CDH8: variants seen among roughly 807,000 people sequenced by gnomAD.
CDH8 encodes the protein cadherin-8.
Under a neutral mutation model 68.1 loss-of-function variants are expected in CDH8, and 17 were observed. The ratio of observed to expected loss-of-function variants is 0.25; its 90% CI spans 0.17 to 0.37. The LOEUF (loss-of-function observed/expected upper bound fraction) is 0.37, where lower values mean the gene tolerates loss of function less well. CDH8 is among the 10% of genes least tolerant of loss of function. The pLI, the probability that CDH8 is intolerant of heterozygous loss-of-function variation, is 1.00. For missense variants in CDH8, 763 were observed against 999.3 expected (o/e 0.76, Z 3.19); for synonymous variants, 372 against 365.1 (o/e 1.02, Z -0.21).
At chr16:61,770,822 C>T (rs1428395936) in intron 8 of CDH8, among the ~76,000 whole-genome samples, 1 of 151,918 alleles carries the variant, frequency 6.6e-6, no homozygotes, top group Admixed American at 6.6e-5. Context: ...ACTTCACCGC[C>T]AGGCCAGGAA....
At chr16:61,698,413 C>T (rs889138020) in intron 10 of CDH8, among the ~76,000 whole-genome samples, 14 of 152,046 alleles carry the variant, frequency 9.2e-5, no homozygotes, top group South Asian at 8.3e-4. Context: ...ATGTTGCCTC[C>T]GAGAGTCTTT....
At chr16:61,967,966 G>A (rs908653384) in intron 2 of CDH8, among the ~76,000 whole-genome samples, 1 of 151,958 alleles carries the variant, frequency 6.6e-6, no homozygotes, top group Admixed American at 6.6e-5. Flanking sequence ...CCGCCACCAC[G>A]CCCAGCTAAT....
intron 8 of CDH8, among the ~76,000 whole-genome samples, chr16:61,739,819 C>A (rs1179962869): frequency 2.8e-5 from 4 of 142,114 alleles, no homozygotes; most frequent in African/African-American, 1.0e-4. Flanking sequence ...CAACAAGTAG[C>A]AAAACAAACA....
At chr16:61,853,174 A>G (rs1176490330) in intron 4 of CDH8, among the ~76,000 whole-genome samples, 2 of 152,102 alleles carry the variant, frequency 1.3e-5, no homozygotes, top group East Asian at 3.9e-4. Flanking sequence ...TCTTAAGGTG[A>G]TAACTGAAAC....
chr16:61,702,351 G>A (rs186356953), intron 10 of CDH8, among the ~76,000 whole-genome samples: 156 of 151,024 alleles, frequency 1.0e-3, no homozygotes, highest in Non-Finnish European at 2.0e-3. Flanking sequence ...CAGCCTGGGC[G>A]ACAGAGCGAG....
At chr16:62,032,161 A>G (rs531663318) in intron 1 of CDH8, 11 of 152,220 alleles carry the variant, frequency 7.2e-5, no homozygotes, top group Non-Finnish European at 1.3e-4. Context: ...AGCGCCACAG[A>G]TAACATTTTT....
At chr16:61,820,784 A>T in intron 6 of CDH8, 142 bp downstream of exon 6, 4 of 633,896 alleles carry the variant, frequency 6.3e-6, no homozygotes, top group Non-Finnish European at 8.2e-6. Context: ...AAAGGACTGT[A>T]CTAGTTATCT....
intron 2 of CDH8, among the ~76,000 whole-genome samples, chr16:61,996,227 A>G (rs1206540997): frequency 6.6e-6 from 1 of 152,224 alleles, no homozygotes; most frequent in Non-Finnish European, 1.5e-5. Context: ...ATTAAAAATA[A>G]CAGCATCAAG....
chr16:61,799,430 C>A (rs866142145), intron 7 of CDH8, among the ~76,000 whole-genome samples: 1 of 152,042 alleles, frequency 6.6e-6, no homozygotes, highest in Non-Finnish European at 1.5e-5. Flanking sequence ...TTCTGCTAAG[C>A]CCTATATATT....
rs1417650614 is a variant in CDH8, at chr16:61,648,659, T to G, written c.*4949A>C. 1 of 151,938 alleles carries G rather than the reference T, an allele frequency of 6.6e-6. No homozygotes were observed. Among genetic ancestry groups the G allele is most frequent in the African/African-American group, 2.4e-5 (1 of 41,434 alleles). 9.4% of individuals were successfully genotyped at this position (151,938 alleles called of 1,614,324 possible). A position where few individuals can be genotyped will look rare whatever the true frequency, so the allele number is the denominator to read the frequency against. On this transcript the variant is annotated 3_prime_UTR_variant, in exon 12 of 12. Transcript: ENST00000577390. ...GTTCTTATGAGATTGATTAGGTACA[T>G]TTTATAAATAAAGAAAATAAGTTTG...
intron 10 of CDH8, among the ~76,000 whole-genome samples, chr16:61,706,033 T>C (rs570118681): frequency 6.6e-6 from 1 of 152,268 alleles, no homozygotes; most frequent in South Asian, 2.1e-4. Context: ...TAAATATGTA[T>C]TGAATGAATG....
intron 6 of CDH8, 105 bp from the exon 7 acceptor site, chr16:61,817,837 T>G: frequency 1.8e-6 from 2 of 1,141,564 alleles, no homozygotes; most frequent in Non-Finnish European, 2.5e-6. Context: ...TTAAACCCAT[T>G]TGTGAGCCTT....
intron 10 of CDH8, among the ~76,000 whole-genome samples, chr16:61,657,059 T>G (rs965221007): frequency 1.3e-4 from 11 of 83,002 alleles, no homozygotes. Context: ...ATTATTTGTT[T>G]TTTTTTTTTC....
chr16:61,959,801 C>T (rs191993350), intron 2 of CDH8, among the ~76,000 whole-genome samples: 42 of 146,206 alleles, frequency 2.9e-4, no homozygotes, highest in Admixed American at 2.0e-3. Flanking sequence ...GTCATTATAC[C>T]TTAACAAATC....
At chr16:61,677,832 T>C (rs1039338022) in intron 10 of CDH8, among the ~76,000 whole-genome samples, 1 of 151,914 alleles carries the variant, frequency 6.6e-6, no homozygotes, top group Admixed American at 6.6e-5. Context: ...GAACGTCTGG[T>C]TCAGGCCATG....
At chr16:61,901,123 A>G (rs567830297) in intron 3 of CDH8, 56 bp downstream of exon 3, 9 of 1,425,782 alleles carry the variant, frequency 6.3e-6, no homozygotes, top group South Asian at 1.2e-5. Context: ...CCTTGATGCC[A>G]GGAGCTATTC....
rs564430329 is a variant in CDH8 at position 61,966,790 on chromosome 16, A to G, written c.252+54362T>C. Among the ~76,000 whole-genome samples the G allele has an allele frequency of 2.0e-5, 3 of 152,358 alleles. No homozygotes were observed. The South Asian group carries it at 6.2e-4, about 32-fold the overall frequency. On this transcript the variant is annotated intron_variant, in intron 2 of 11. Coordinates refer to ENST00000577390, the MANE Select transcript of CDH8 (RefSeq NM_001796.5). ...TAATTTTAGCACTTAAGTAGAGAGAAGGCTAGAATTCTAAAACAACCACTT... is the reference window on the plus strand; with the variant it reads ...TAATTTTAGCACTTAAGTAGAGAGAGGGCTAGAATTCTAAAACAACCACTT...
At chr16:62,001,046 G>A (rs926943858) in intron 2 of CDH8, among the ~76,000 whole-genome samples, 1 of 152,130 alleles carries the variant, frequency 6.6e-6, no homozygotes, top group African/African-American at 2.4e-5. Context: ...AATGGTAACT[G>A]CTGTTCATTG....
intron 4 of CDH8, among the ~76,000 whole-genome samples, chr16:61,843,262 T>C (rs1021296974): frequency 2.0e-5 from 3 of 152,198 alleles, no homozygotes; most frequent in Non-Finnish European, 2.9e-5. Context: ...GGACTCAGAA[T>C]TGAGAGATGC....
Sources: gnomAD v4.1 joint callset for allele counts (sites outside exome capture counted in the v4.1 genomes callset) on GRCh38, gnomAD v4.1.1 for gene constraint, MANE v1.5 for transcripts, NCBI Gene and HGNC (gene_info 2026-07-23, HGNC 2026-07-21) for gene names.